ITCH: variants seen among roughly 807,000 people sequenced by gnomAD.
ITCH encodes the protein itchy E3 ubiquitin protein ligase.
A neutral mutation model predicts 126.8 loss-of-function variants in ITCH; 28 were observed. The ratio of observed to expected loss-of-function variants is 0.22; its 90% CI spans 0.16 to 0.30. The LOEUF (loss-of-function observed/expected upper bound fraction) is 0.30, where lower values mean the gene tolerates loss of function less well. ITCH is among the 10% of genes least tolerant of loss of function. The pLI is 1.00. For missense variants in ITCH, 631 were observed against 1,032.4 expected, an observed-to-expected ratio of 0.61 and a Z score of 5.33; for synonymous variants, 342 against 340.0, an observed-to-expected ratio of 1.01 and a Z score of -0.06.
chr20:34,482,892 C>T (rs796788669), intron 20 of ITCH, among the ~76,000 whole-genome samples: 16 of 152,276 alleles, frequency 1.1e-4, no homozygotes, highest in African/African-American at 3.9e-4. Context: ...CTAGGCATTT[C>T]CATACGTCTT....
intron 2 of ITCH, among the ~76,000 whole-genome samples, chr20:34,389,294 G>A (rs536083297): frequency 2.4e-4 from 36 of 152,078 alleles, no homozygotes; most frequent in African/African-American, 8.7e-4. Flanking sequence ...CTGGGATTAC[G>A]GACGTGAGCC....
intron 24 of ITCH, 47 bp from the exon 25 acceptor site, chr20:34,507,648 A>C: frequency 7.0e-7 from 1 of 1,434,844 alleles, no homozygotes; most frequent in Non-Finnish European, 9.8e-7. Context: ...TACTCATTTG[A>C]TTCTTTGCAT....
chr20:34,442,217 G>C lies in ITCH; in HGVS notation c.879G>C (p.Gln293His). 1 of 1,613,540 alleles carries C rather than the reference G, an allele frequency of 6.2e-7. No homozygotes were observed. Among genetic ancestry groups the C allele is most frequent in the South Asian group, 1.1e-5 (1 of 91,074 alleles). ...TQAPLPPGWE[Q>H]RVDQHGRVYY... ...TAATTTTGTATTTAAGTTGGGAGCA[G>C]AGAGTGGACCAGCACGGGCGAGTTT... Residue 293 changes from glutamine (Q) to histidine (H), a missense_variant, in exon 10 of 25, where the codon CAG (glutamine) becomes CAC (histidine). Gln to His is a conservative substitution (Grantham distance 24, BLOSUM62 0). Coordinates refer to ENST00000374864, the MANE Select transcript of ITCH (RefSeq NM_031483.7).
intron 23 of ITCH, among the ~76,000 whole-genome samples, chr20:34,495,280 AAAT>A (rs1401711058): frequency 3.1e-5 from 4 of 131,100 alleles, no homozygotes; most frequent in Non-Finnish European, 4.8e-5. Flanking sequence ...ATAAATAAAT[AAAT>A]AAATAAATAA....
chr20:34,500,140 A>C (rs1990159153), intron 23 of ITCH, among the ~76,000 whole-genome samples: 1 of 152,184 alleles, frequency 6.6e-6, no homozygotes, highest in African/African-American at 2.4e-5. Context: ...TGATGACAAG[A>C]ATGTGTATTC....
Position 34,506,131 on chromosome 20 carries a change from C to T in ITCH, c.2490-1564C>T, listed in dbSNP as rs769149241. Among the ~76,000 whole-genome samples the T allele has an allele frequency of 3.9e-5, 6 of 152,066 alleles. No individual in the cohort carries two copies. The South Asian group carries it at 1.2e-3, about 31-fold the overall frequency. ...CCAGGCTGGAGTGCTGTAGCTCAAT[C>T]TCCACTCATGCACCCTCCACCTCCC... On this transcript the variant is annotated intron_variant, in intron 24 of 24. Coordinates refer to ENST00000374864, the MANE Select transcript of ITCH (RefSeq NM_031483.7).
intron 14 of ITCH, among the ~76,000 whole-genome samples, chr20:34,463,727 T>C (rs542566734): frequency 1.3e-5 from 2 of 152,222 alleles, no homozygotes; most frequent in South Asian, 4.1e-4. Flanking sequence ...TCTTTTCATA[T>C]GCTTCTTGGC....
chr20:34,476,456 C>T (rs1006841405), intron 16 of ITCH: 3 of 1,216,574 alleles, frequency 2.5e-6, no homozygotes, highest in African/African-American at 1.6e-5. Flanking sequence ...AGCAGCCGGG[C>T]GCCCCCAGCG....
At chr20:34,473,258 C>T (rs1358582219) in intron 16 of ITCH, among the ~76,000 whole-genome samples, 11 of 152,300 alleles carry the variant, frequency 7.2e-5, no homozygotes, top group African/African-American at 2.4e-4. Context: ...GGGGAAAGTA[C>T]AGGAGAAAAC....
intron 7 of ITCH, 107 bp downstream of exon 7, chr20:34,424,632 G>C: frequency 1.1e-6 from 1 of 938,608 alleles, no homozygotes; most frequent in African/African-American, 1.6e-5. Context: ...ATGAGTGTCA[G>C]AAAGAATTCA....
intron 12 of ITCH, among the ~76,000 whole-genome samples, chr20:34,452,350 G>C (rs926968215): frequency 1.3e-4 from 20 of 152,140 alleles, no homozygotes; most frequent in African/African-American, 4.6e-4. Context: ...TAAAGATCCA[G>C]CTTAGCCAGG....
rs1989786646 is a variant in ITCH at position 34,495,280 on chromosome 20, A to C, written c.2416+2683A>C. Among the ~76,000 whole-genome samples, 12 of 131,096 alleles carry C rather than the reference A, an allele frequency of 9.2e-5. No individual in the cohort carries two copies. In the South Asian group the frequency reaches 2.9e-3, roughly 31 times the overall value. 86.0% of individuals were successfully genotyped at this position (131,096 alleles called of 152,430 possible). ...AACTCCAACTCAAAAATAAATAAATAAATAAATAAATAAAATATATATATA... is the reference window on the plus strand; with the variant it reads ...AACTCCAACTCAAAAATAAATAAATCAATAAATAAATAAAATATATATATA... On this transcript the variant is annotated intron_variant, in intron 23 of 24. Transcript: ENST00000374864.
intron 19 of ITCH, 148 bp downstream of exon 19, chr20:34,480,880 A>G (rs573452246): frequency 3.1e-6 from 3 of 975,332 alleles, no homozygotes; most frequent in South Asian, 3.3e-5. Flanking sequence ...TCAATATGAT[A>G]AATTTTACAA....
At chr20:34,499,525 G>A (rs148951021) in intron 23 of ITCH, among the ~76,000 whole-genome samples, 2 of 150,720 alleles carry the variant, frequency 1.3e-5, no homozygotes, top group African/African-American at 2.4e-5. Context: ...TATTTCTGTG[G>A]TGTCAGTTGT....
At chr20:34,467,678 A>ATTTTTTTTTTTTTTTTTT (rs147009659) in intron 14 of ITCH, among the ~76,000 whole-genome samples, 1 of 98,054 alleles carries the variant, frequency 1.0e-5, no homozygotes, top group Non-Finnish European at 2.0e-5. Context: ...TTTCTTTTTC[A>ATTTTTTTTTTTTTTTTTT]TTTTTTTTTT....
At chr20:34,398,334 A>G (rs1485441061) in intron 3 of ITCH, among the ~76,000 whole-genome samples, 1 of 151,928 alleles carries the variant, frequency 6.6e-6, no homozygotes, top group Non-Finnish European at 1.5e-5. Context: ...AATTGCTTGT[A>G]TTAGAGGTGT....
intron 3 of ITCH, among the ~76,000 whole-genome samples, chr20:34,394,669 C>T (rs1221494138): frequency 6.6e-6 from 1 of 152,074 alleles, no homozygotes; most frequent in African/African-American, 2.4e-5. Context: ...GGAGAAAAGG[C>T]GTACATCTTA....
At chr20:34,375,229 C>T (rs1388904280) in intron 2 of ITCH, among the ~76,000 whole-genome samples, 1 of 150,708 alleles carries the variant, frequency 6.6e-6, no homozygotes, top group Non-Finnish European at 1.5e-5. Context: ...TTAGCAGAGA[C>T]GAGGTTTCTC....
At chr20:34,455,729 C>G (rs1487815124) in intron 12 of ITCH, among the ~76,000 whole-genome samples, 5 of 151,902 alleles carry the variant, frequency 3.3e-5, no homozygotes, top group African/African-American at 1.2e-4. Flanking sequence ...CCGCCCGCCT[C>G]TGCCTCCCAA....
Sources: allele counts gnomAD v4.1 joint callset (sites outside exome capture counted in the v4.1 genomes callset), GRCh38; gene constraint gnomAD v4.1.1; transcripts MANE v1.5; gene names NCBI Gene and HGNC (gene_info 2026-07-23, HGNC 2026-07-21).